ADCY2: variants seen among roughly 807,000 people sequenced by gnomAD.
ADCY2 encodes adenylate cyclase 2.
A neutral mutation model predicts 125.2 loss-of-function variants in ADCY2; 31 were observed. The observed-to-expected ratio is 0.25, with a 90% CI of 0.19 to 0.33. ADCY2 has a LOEUF of 0.33. Ranked by LOEUF, ADCY2 falls within the 10% of genes least tolerant of loss-of-function variation. ADCY2 has a pLI of 1.00. For missense variants in ADCY2, 904 were observed against 1,418.2 expected, an observed-to-expected ratio of 0.64 and a Z score of 5.82; for synonymous variants, 512 against 548.4, an observed-to-expected ratio of 0.93 and a Z score of 0.93.
At chr5:7,551,431 G>A (rs1048236201) in intron 3 of ADCY2, among the ~76,000 whole-genome samples, 1 of 152,130 alleles carries the variant, frequency 6.6e-6, no homozygotes, top group Non-Finnish European at 1.5e-5. Flanking sequence ...CTCCATTGCA[G>A]GGAAGCGTCA....
At chr5:7,425,629 G>C (rs181405763) in intron 2 of ADCY2, among the ~76,000 whole-genome samples, 7 of 152,182 alleles carry the variant, frequency 4.6e-5, no homozygotes, top group African/African-American at 1.7e-4. Flanking sequence ...CTGGTATTCT[G>C]TATTTCAAAT....
chr5:7,426,478 C>A (rs1192143014), intron 2 of ADCY2, among the ~76,000 whole-genome samples: 1 of 152,156 alleles, frequency 6.6e-6, no homozygotes, highest in Non-Finnish European at 1.5e-5. Context: ...ATGGAAAGAC[C>A]AGGCAGCTAT....
At chr5:7,539,627 G>T (rs1170802174) in intron 3 of ADCY2, among the ~76,000 whole-genome samples, 4 of 152,238 alleles carry the variant, frequency 2.6e-5, no homozygotes, top group Non-Finnish European at 4.4e-5. Flanking sequence ...ATTATGAGCA[G>T]CAATGGAAGA....
intron 4 of ADCY2, among the ~76,000 whole-genome samples, chr5:7,639,321 T>G (rs1381404041): frequency 6.6e-6 from 1 of 152,202 alleles, no homozygotes; most frequent in Non-Finnish European, 1.5e-5. Flanking sequence ...TGAGCAACCT[T>G]CATAATATGT....
intron 4 of ADCY2, among the ~76,000 whole-genome samples, chr5:7,663,944 A>G (rs1051443512): frequency 3.9e-5 from 6 of 152,204 alleles, no homozygotes. Flanking sequence ...GAAGAAGTTC[A>G]AGCTGGAAGA....
At chr5:7,417,788 G>T (rs1740012235) in intron 2 of ADCY2, among the ~76,000 whole-genome samples, 1 of 152,102 alleles carries the variant, frequency 6.6e-6, no homozygotes, top group South Asian at 2.1e-4. Flanking sequence ...CCCTCTCTTT[G>T]TTTATTGATT....
At chr5:7,635,323 A>G (rs1738458630) in intron 4 of ADCY2, among the ~76,000 whole-genome samples, 1 of 152,218 alleles carries the variant, frequency 6.6e-6, no homozygotes, top group South Asian at 2.1e-4. Context: ...CTATGGCAGC[A>G]GTACAGGCTG....
chr5:7,470,032 T>G (rs1410890695), intron 2 of ADCY2, among the ~76,000 whole-genome samples: 1 of 151,862 alleles, frequency 6.6e-6, no homozygotes, highest in Non-Finnish European at 1.5e-5. Flanking sequence ...TTGTGCATAT[T>G]TTAAATAATT....
intron 3 of ADCY2, among the ~76,000 whole-genome samples, chr5:7,554,319 A>T (rs1231884142): frequency 2.0e-5 from 3 of 152,236 alleles, no homozygotes; most frequent in Non-Finnish European, 4.4e-5. Flanking sequence ...TTTGTCCCAC[A>T]TGAGAGAACT....
At chr5:7,742,128 C>CA (rs1207472213) in intron 14 of ADCY2, among the ~76,000 whole-genome samples, 10,103 of 115,928 alleles carry the variant, frequency 0.087, 404 homozygotes, top group African/African-American at 0.11. Flanking sequence ...GCATAGTGCC[C>CA]AAAAAAAAAA....
At chr5:7,790,407 A>G (rs936550928) in intron 20 of ADCY2, among the ~76,000 whole-genome samples, 1 of 152,224 alleles carries the variant, frequency 6.6e-6, no homozygotes, top group African/African-American at 2.4e-5. Context: ...ATCCAAATGG[A>G]TTAGCTAGAG....
At chr5:7,527,902 C>T (rs944083046) in intron 3 of ADCY2, among the ~76,000 whole-genome samples, 1 of 152,104 alleles carries the variant, frequency 6.6e-6, no homozygotes, top group Admixed American at 6.6e-5. Context: ...ACCAGCTGCC[C>T]GGTTTCTGGC....
chr5:7,406,265 G>A (rs1416850721), intron 1 of ADCY2, among the ~76,000 whole-genome samples: 3 of 152,096 alleles, frequency 2.0e-5, no homozygotes, highest in Non-Finnish European at 4.4e-5. Flanking sequence ...GATCTCTAAG[G>A]GAAGGGCACT....
At chr5:7,701,533 T>C (rs1474074561) in intron 7 of ADCY2, among the ~76,000 whole-genome samples, 2 of 152,178 alleles carry the variant, frequency 1.3e-5, no homozygotes, top group African/African-American at 2.4e-5. Flanking sequence ...AAATGTACAG[T>C]TATGTGCAGT....
At chr5:7,425,470 T>C (rs545518104) in intron 2 of ADCY2, among the ~76,000 whole-genome samples, 2 of 152,246 alleles carry the variant, frequency 1.3e-5, no homozygotes, top group Non-Finnish European at 2.9e-5. Flanking sequence ...GCTGTGTATA[T>C]GTACCCATGC....
chr5:7,483,324 A>C (rs552525094), intron 2 of ADCY2, among the ~76,000 whole-genome samples: 1 of 152,152 alleles, frequency 6.6e-6, no homozygotes, highest in South Asian at 2.1e-4. Flanking sequence ...GAGAGTAGTC[A>C]TCTGCTGGGA....
intron 1 of ADCY2, among the ~76,000 whole-genome samples, chr5:7,401,402 C>T (rs141062863): frequency 6.6e-6 from 1 of 152,302 alleles, no homozygotes; most frequent in African/African-American, 2.4e-5. Flanking sequence ...CCCTGGGTGA[C>T]TTTGCTAGAG....
At chr5:7,675,325 T>C (rs1579304066) in intron 4 of ADCY2, among the ~76,000 whole-genome samples, 1 of 152,200 alleles carries the variant, frequency 6.6e-6, no homozygotes, top group South Asian at 2.1e-4. Flanking sequence ...TTGATCATTA[T>C]TAAATAAGTG....
chr5:7,559,354 G>A (rs1369609457), intron 3 of ADCY2, among the ~76,000 whole-genome samples: 1 of 152,068 alleles, frequency 6.6e-6, no homozygotes, highest in Non-Finnish European at 1.5e-5. Flanking sequence ...ATTTCTTTGA[G>A]CAGTATTTTG....
Sources: allele counts gnomAD v4.1 joint callset (sites outside exome capture counted in the v4.1 genomes callset), GRCh38; gene constraint gnomAD v4.1.1; transcripts MANE v1.5; gene names NCBI Gene and HGNC (gene_info 2026-07-23, HGNC 2026-07-21).